Variants in BSG observed in about 807,000 individuals in gnomAD.
The protein encoded by BSG is basigin (Ok blood group).
A neutral mutation model predicts 43.1 loss-of-function variants in BSG; 37 were observed. The ratio of observed to expected loss-of-function variants is 0.86; its 90% CI spans 0.66 to 1.13. The LOEUF (loss-of-function observed/expected upper bound fraction) is 1.13. BSG is among the 50% of genes most tolerant of loss of function. The pLI, the probability that BSG is intolerant of heterozygous loss-of-function variation, is 0.00. For missense variants in BSG, 599 were observed against 554.2 expected (o/e 1.08, Z -0.81); for synonymous variants, 309 against 238.7 (o/e 1.29, Z -2.72).
upstream of BSG, chr19:572,086 C>CATATATATATATAT (rs61577385): frequency 1.2e-3 from 181 of 149,604 alleles, no homozygotes; most frequent in African/African-American, 4.2e-3. Flanking sequence ...TTAATACGTT[C>CATATATATATATAT]ATATATATAT....
intron 1 of BSG, among the ~76,000 whole-genome samples, chr19:573,698 C>G (rs28921968): frequency 0.038 from 5,750 of 150,032 alleles, 367 homozygotes; most frequent in African/African-American, 0.14. Context: ...AGTCGAGGTT[C>G]CAAGGTCACA....
intron 1 of BSG, chr19:575,485 C>T (rs1981682915): frequency 6.6e-6 from 1 of 151,786 alleles, no homozygotes; most frequent in South Asian, 2.1e-4. Context: ...AGGGCTTCAC[C>T]CCCGAGCCTC....
chr19:572,852 T>G (rs1981390077), intron 1 of BSG, 151 bp downstream of exon 1: 2 of 997,974 alleles, frequency 2.0e-6, no homozygotes, highest in Non-Finnish European at 2.6e-6. Context: ...CGCGCCAGCA[T>G]GGAGCTTGGG....
upstream of BSG, chr19:572,298 G>GC (rs756556800): frequency 1.3e-4 from 103 of 771,832 alleles, no homozygotes; most frequent in Admixed American, 1.2e-4. Context: ...CCCCTCGGGC[G>GC]CACCGCTCTG....
At position 581,189 on chromosome 19, in the gene BSG, G is replaced by A. The variant is rs927402747; in HGVS notation, c.793-126G>A. 167 of 1,091,332 alleles carry A rather than the reference G, an allele frequency of 1.5e-4. 11 individuals carry two copies. Among genetic ancestry groups the A allele is most frequent in the Non-Finnish European group, 1.9e-4 (150 of 793,490 alleles). The allele number at this position is 1,091,332 out of a possible 1,614,324, so 67.6% of individuals were successfully genotyped here. On this transcript the variant is annotated intron_variant, in intron 5 of 8. Coordinates refer to ENST00000333511, the MANE Select transcript of BSG (RefSeq NM_001728.4). The stretch of plus-strand genomic sequence containing the variant: ...ACTGGGTGAGGGGCCTAGACTGGGG[G>A]TCCCGGACTCAGCCCTCCGGACTGG...
chr19:582,498 G>GCC lies in BSG; in HGVS notation c.1095-13_1095-12dup. 1.9e-6 allele frequency: 3 copies of GCC among 1,606,364 alleles called. No individual in the cohort carries two copies. The highest frequency in any genetic ancestry group is 2.5e-6 in the Non-Finnish European group (3 of 1,177,268). On this transcript the variant is annotated splice_polypyrimidine_tract_variant and intron_variant, in intron 7 of 8. Coordinates refer to ENST00000333511, the MANE Select transcript of BSG (RefSeq NM_001728.4). ...CTTGCGGGGGACACCCTCTCACCCG[G>GCC]CCCCTCGTGCCCCAGGAAGAGCAGC...
At chr19:574,275 C>T (rs1981563438) in intron 1 of BSG, among the ~76,000 whole-genome samples, 2 of 145,318 alleles carry the variant, frequency 1.4e-5, no homozygotes, top group South Asian at 4.3e-4. Flanking sequence ...AAAAAGAGGT[C>T]GGGCATGGTG....
At chr19:578,192 C>T in intron 2 of BSG, 71 bp downstream of exon 2, 4 of 1,387,560 alleles carry the variant, frequency 2.9e-6, no homozygotes, top group Non-Finnish European at 3.8e-6. Context: ...CCGGCTCCTG[C>T]TCAGTAGAAC....
In BSG at chr19:574,633, G is replaced by A. The variant is rs577688099; in HGVS notation, c.67+1932G>A. On this transcript the variant is annotated intron_variant, in intron 1 of 8. Transcript: ENST00000333511. Reference sequence around the variant, plus strand: ...AGCTGGAGGGTCTGGCCTCCTGAAGGGTCAAGAGCAAGGGCTTCGAGCCTC... The same window carrying A: ...AGCTGGAGGGTCTGGCCTCCTGAAGAGTCAAGAGCAAGGGCTTCGAGCCTC... Among the ~76,000 whole-genome samples the A allele has an allele frequency of 3.3e-5, 5 of 152,352 alleles. No individual in the cohort carries two copies. In the South Asian group the frequency reaches 8.3e-4, roughly 25 times the overall value.
chr19:576,895 A>C (rs1422887184), intron 1 of BSG, among the ~76,000 whole-genome samples: 2 of 152,214 alleles, frequency 1.3e-5, no homozygotes, highest in Non-Finnish European at 2.9e-5. Context: ...ACTGCCACGC[A>C]GCCTCGGAGC....
chr19:576,392 T>C (rs923837260), intron 1 of BSG, among the ~76,000 whole-genome samples: 2 of 152,204 alleles, frequency 1.3e-5, no homozygotes, highest in Non-Finnish European at 2.9e-5. Context: ...GCTCTGCACA[T>C]AGCTGCCAGT....
chr19:579,926 A>C (rs1172811650), intron 3 of BSG: 2 of 505,876 alleles, frequency 4.0e-6, no homozygotes, highest in Non-Finnish European at 7.0e-6. Context: ...CCACACTGCC[A>C]GGTCCCGGGC....
At chr19:577,528 G>A (rs1364331755) in intron 1 of BSG, among the ~76,000 whole-genome samples, 3 of 152,174 alleles carry the variant, frequency 2.0e-5, no homozygotes, top group Admixed American at 6.5e-5. Context: ...TTGAAACCAC[G>A]TGTGGTCCCA....
intron 4 of BSG, 83 bp from the exon 5 acceptor site, chr19:580,563 G>A: frequency 6.2e-7 from 1 of 1,605,102 alleles, no homozygotes; most frequent in Non-Finnish European, 8.5e-7. Context: ...CCTGCTCCCT[G>A]GAGGGGAACA....
At chr19:572,098 T>TAC (rs1483825728), upstream of BSG, 2 of 151,646 alleles carry the variant, frequency 1.3e-5, no homozygotes, top group African/African-American at 4.9e-5. Context: ...TATATATATA[T>TAC]ATATATGTAC....
intron 1 of BSG, 23 bp downstream of exon 1, chr19:572,724 G>A (rs1202562344): frequency 1.4e-6 from 2 of 1,462,916 alleles, no homozygotes; most frequent in Non-Finnish European, 1.8e-6. Context: ...TAGGGGGCGG[G>A]GGTGCGGTCC....
At chr19:571,412 G>C (rs56051382), upstream of BSG, 14 of 690,268 alleles carry the variant, frequency 2.0e-5, no homozygotes, top group East Asian at 3.1e-4. Flanking sequence ...GCCCCCACCT[G>C]TGTCGCCCCA....
At chr19:579,410 C>T (rs568226979) in intron 2 of BSG, 90 bp from the exon 3 acceptor site, 82 of 1,554,744 alleles carry the variant, frequency 5.3e-5, no homozygotes, top group East Asian at 4.3e-4. Context: ...CAGTCCTTCC[C>T]GGGGAGGAGC....
chr19:579,772 G>T (rs1355993840), intron 3 of BSG, 116 bp downstream of exon 3: 9 of 1,440,202 alleles, frequency 6.2e-6, no homozygotes, highest in Non-Finnish European at 8.3e-6. Flanking sequence ...CCAGGCGGAA[G>T]TTAGGGACCA....
Sources: allele counts gnomAD v4.1 joint callset (sites outside exome capture counted in the v4.1 genomes callset), GRCh38; gene constraint gnomAD v4.1.1; transcripts MANE v1.5; gene names NCBI Gene and HGNC (gene_info 2026-07-23, HGNC 2026-07-21).